Variants in DENND1B observed in about 807,000 individuals in gnomAD.
DENND1B encodes the protein DENN domain-containing protein 1B.
In DENND1B, 59 loss-of-function variants were observed where a neutral mutation model predicts 90.1. The observed-to-expected ratio is 0.65, with a 90% confidence interval of 0.53 to 0.81. The LOEUF is 0.81. DENND1B is among the 40% of genes least tolerant of loss of function. The pLI is 0.00. For synonymous variants in DENND1B, 337 were observed against 324.6 expected (o/e 1.04, Z -0.41); for missense variants, 862 against 912.6 (o/e 0.94, Z 0.71).
At chr1:197,752,792 G>T (rs757328445) in intron 2 of DENND1B, among the ~76,000 whole-genome samples, 1 of 151,264 alleles carries the variant, frequency 6.6e-6, no homozygotes, top group Non-Finnish European at 1.5e-5. Flanking sequence ...CCCCCTCCCC[G>T]ACCCCACGAC....
At chr1:197,690,130 C>T (rs1383971000) in intron 3 of DENND1B, 2 of 259,574 alleles carry the variant, frequency 7.7e-6, no homozygotes, top group Non-Finnish European at 1.5e-5. Context: ...GAAGTAGAGT[C>T]TGTTGAAATG....
At chr1:197,772,366 T>C (rs562041983) in intron 2 of DENND1B, among the ~76,000 whole-genome samples, 1 of 152,192 alleles carries the variant, frequency 6.6e-6, no homozygotes, top group Non-Finnish European at 1.5e-5. Flanking sequence ...TTCATGATTT[T>C]TACAATCCCA....
upstream of DENND1B, among the ~76,000 whole-genome samples, chr1:197,780,327 CT>C (rs1265410957): frequency 0.027 from 3,681 of 134,052 alleles, 109 homozygotes; most frequent in East Asian, 0.095. Context: ...GGTGGCTTTT[CT>C]TTTTTTTTTT....
intron 13 of DENND1B, among the ~76,000 whole-genome samples, chr1:197,602,497 T>A (rs1676298321): frequency 6.6e-6 from 1 of 151,512 alleles, no homozygotes; most frequent in Non-Finnish European, 1.5e-5. Flanking sequence ...CCTAGAAATT[T>A]GTTAGGGACT....
chr1:197,619,594 C>T (rs891587889), intron 10 of DENND1B, among the ~76,000 whole-genome samples: 2 of 150,984 alleles, frequency 1.3e-5, no homozygotes, highest in East Asian at 3.9e-4. Context: ...AGGAAAAACA[C>T]GTTCTTAATG....
At chr1:197,539,865 A>G in intron 20 of DENND1B, 99 bp downstream of exon 20, 3 of 998,658 alleles carry the variant, frequency 3.0e-6, no homozygotes, top group Non-Finnish European at 4.5e-6. Flanking sequence ...GTTTTCATAT[A>G]AGATAAAAAA....
At chr1:197,553,971 C>T (rs1008575438) in intron 15 of DENND1B, among the ~76,000 whole-genome samples, 1 of 152,004 alleles carries the variant, frequency 6.6e-6, no homozygotes, top group African/African-American at 2.4e-5. Context: ...TCTTCCATTG[C>T]CTGTTCTGCT....
chr1:197,554,593 G>A (rs1977330), intron 15 of DENND1B, among the ~76,000 whole-genome samples: 145,631 of 151,930 alleles, frequency 0.96, 70,094 homozygotes, highest in East Asian at 1. Context: ...TAATACCAGC[G>A]TTTTGGGAGG....
intron 3 of DENND1B, among the ~76,000 whole-genome samples, chr1:197,707,463 T>C (rs551646294): frequency 7.2e-5 from 11 of 151,760 alleles, no homozygotes; most frequent in Admixed American, 5.9e-4. Flanking sequence ...TTTGAGGTGA[T>C]GGATATGCTG....
chr1:197,572,464 T>C (rs1673259300), intron 15 of DENND1B, among the ~76,000 whole-genome samples: 1 of 152,222 alleles, frequency 6.6e-6, no homozygotes. Context: ...CTACTGCCTC[T>C]ATAGACTCCA....
At chr1:197,572,062 G>A (rs1558255743) in intron 15 of DENND1B, among the ~76,000 whole-genome samples, 1 of 152,126 alleles carries the variant, frequency 6.6e-6, no homozygotes, top group South Asian at 2.1e-4. Context: ...CATTGGGACT[G>A]GTTGGGCAGT....
At chr1:197,600,927 G>A (rs533210943) in intron 13 of DENND1B, among the ~76,000 whole-genome samples, 44 of 151,550 alleles carry the variant, frequency 2.9e-4, no homozygotes, top group Non-Finnish European at 5.0e-4. Flanking sequence ...TTGAGCCCCC[G>A]AGAATTTATG....
At chr1:197,715,886 T>C (rs537301674) in intron 2 of DENND1B, among the ~76,000 whole-genome samples, 1 of 151,894 alleles carries the variant, frequency 6.6e-6, no homozygotes, top group African/African-American at 2.4e-5. Flanking sequence ...AACTTCTGAA[T>C]ACTTCAAATG....
Position 197,713,793 on chromosome 1 carries a change from T to TATTATATATAATA in DENND1B, c.126+1237_126+1238insTATTATATATAAT, listed in dbSNP as rs1376908590. 9.4e-3 allele frequency among the ~76,000 whole-genome samples: 190 copies of TATTATATATAATA among 20,192 alleles called. 2 individuals carry two copies. The highest frequency in any genetic ancestry group is 0.011 in the Non-Finnish European group (129 of 12,164). The allele number at this position is 20,192 out of a possible 152,430, so 13.2% of individuals were successfully genotyped here. On this transcript the variant is annotated intron_variant, in intron 3 of 22. Transcript: ENST00000620048. ...TATATTATTATATTATATTATAATA[T>TATTATATATAATA]TATTATATTATAATATATTATATAT... is the stretch of plus-strand genomic sequence containing the variant.
intron 3 of DENND1B, among the ~76,000 whole-genome samples, chr1:197,704,762 T>C (rs1444115257): frequency 2.0e-5 from 3 of 151,518 alleles, no homozygotes; most frequent in African/African-American, 4.9e-5. Flanking sequence ...ATTCTAAAGA[T>C]ACCAAGAGAA....
intron 2 of DENND1B, among the ~76,000 whole-genome samples, chr1:197,744,099 GAA>G (rs537872654): frequency 7.8e-4 from 119 of 152,294 alleles, no homozygotes; most frequent in Non-Finnish European, 1.5e-3. Flanking sequence ...TTACGCCACT[GAA>G]GTCTTAAATC....
In DENND1B at chr1:197,741,277, T is replaced by C. The variant is rs1205066882; in HGVS notation, c.83-26203A>G. Among the ~76,000 whole-genome samples, 7 of 152,114 alleles carry C rather than the reference T, an allele frequency of 4.6e-5. No individual in the cohort carries two copies. In the East Asian group the frequency reaches 1.3e-3, roughly 29 times the overall value. ...CAAGATAGAGTAACCAATTAATTCATGTGCATATTCCAAAGATCATCACTT... is the reference window on the plus strand; with the variant it reads ...CAAGATAGAGTAACCAATTAATTCACGTGCATATTCCAAAGATCATCACTT... On this transcript the variant is annotated intron_variant, in intron 2 of 22. Transcript: ENST00000620048.
intron 15 of DENND1B, among the ~76,000 whole-genome samples, chr1:197,555,675 G>A (rs115801252): frequency 0.018 from 2,737 of 152,168 alleles, 83 homozygotes; most frequent in African/African-American, 0.062. Flanking sequence ...ACAGCAGTCA[G>A]AATGACTATT....
At chr1:197,675,900 C>A (rs1196391139) in intron 3 of DENND1B, among the ~76,000 whole-genome samples, 1 of 152,076 alleles carries the variant, frequency 6.6e-6, no homozygotes, top group East Asian at 1.9e-4. Context: ...GTTGCTCAAT[C>A]TTTCACACCC....
Sources: allele counts gnomAD v4.1 joint callset (sites outside exome capture counted in the v4.1 genomes callset), GRCh38; gene constraint gnomAD v4.1.1; transcripts MANE v1.5; gene names NCBI Gene and HGNC (gene_info 2026-07-23, HGNC 2026-07-21).